The following SBF2 variants were observed in gnomAD, a reference collection of about 807,000 sequenced individuals.
SBF2 encodes SET binding factor 2, also known as myotubularin-related protein 13.
Under a neutral mutation model 225.2 loss-of-function variants are expected in SBF2, and 112 were observed. That is an observed-to-expected ratio of 0.50 (90% CI 0.43 to 0.58). The LOEUF is 0.58. Among genes scored for constraint, SBF2 ranks in the 20% least tolerant of loss-of-function variants. SBF2 has a pLI of 0.00. For missense variants in SBF2, 1,996 were observed against 2,206.2 expected, an observed-to-expected ratio of 0.90 and a Z score of 1.91; for synonymous variants, 763 against 773.3, an observed-to-expected ratio of 0.99 and a Z score of 0.22.
intron 1 of SBF2, chr11:10,272,327 C>T (rs1962552001): frequency 2.6e-6 from 2 of 770,066 alleles, no homozygotes; most frequent in East Asian, 2.9e-5. Context: ...AAGTCGTTCA[C>T]TGTAACTAAG....
chr11:10,144,203 A>C (rs1346499238), intron 2 of SBF2, among the ~76,000 whole-genome samples: 1 of 152,168 alleles, frequency 6.6e-6, no homozygotes, highest in South Asian at 2.1e-4. Context: ...AAATTACATA[A>C]TAGGTCAGGT....
chr11:9,967,697 C>T (rs1412863007), intron 14 of SBF2, among the ~76,000 whole-genome samples: 1 of 152,112 alleles, frequency 6.6e-6, no homozygotes, highest in Non-Finnish European at 1.5e-5. Context: ...GGGCGGATCA[C>T]CTGAGGTCGG....
chr11:10,283,420 T>C (rs1371716926), intron 1 of SBF2, among the ~76,000 whole-genome samples: 1 of 152,178 alleles, frequency 6.6e-6, no homozygotes, highest in African/African-American at 2.4e-5. Flanking sequence ...TCAGGTGTTA[T>C]ACATAAATTT....
chr11:10,177,595 G>A (rs1312184444), intron 2 of SBF2, among the ~76,000 whole-genome samples: 1,939 of 147,580 alleles, frequency 0.013, 32 homozygotes, highest in African/African-American at 0.04. Flanking sequence ...ATTCACAATT[G>A]CTTCAAAGAG....
intron 6 of SBF2, among the ~76,000 whole-genome samples, chr11:10,012,486 C>G (rs1948495480): frequency 6.6e-6 from 1 of 152,140 alleles, no homozygotes. Flanking sequence ...CTATTTGGCT[C>G]TTTTTCAGTT....
At chr11:10,104,378 T>C (rs1388904819) in intron 2 of SBF2, among the ~76,000 whole-genome samples, 1 of 152,138 alleles carries the variant, frequency 6.6e-6, no homozygotes, top group Admixed American at 6.5e-5. Flanking sequence ...GAAACAATGG[T>C]GGAAGGTATA....
chr11:9,858,515 A>G, intron 17 of SBF2, 119 bp from the exon 18 acceptor site: 1 of 1,037,758 alleles, frequency 9.6e-7, no homozygotes, highest in Admixed American at 2.1e-5. Context: ...AGAATATCGT[A>G]TGGTAGTACA....
At chr11:9,809,857 T>C (rs1590134510) in intron 30 of SBF2, among the ~76,000 whole-genome samples, 1 of 152,298 alleles carries the variant, frequency 6.6e-6, no homozygotes, top group East Asian at 1.9e-4. Context: ...ATTTCAGGTA[T>C]TCTTAATTTT....
chr11:9,919,975 G>A (rs1192203082), intron 16 of SBF2, among the ~76,000 whole-genome samples: 3 of 151,840 alleles, frequency 2.0e-5, no homozygotes, highest in Non-Finnish European at 4.4e-5. Context: ...CAGGTGATCC[G>A]CCTGCCTGGG....
intron 2 of SBF2, among the ~76,000 whole-genome samples, chr11:10,046,655 T>G (rs567681371): frequency 6.6e-6 from 1 of 151,680 alleles, no homozygotes; most frequent in Admixed American, 6.6e-5. Flanking sequence ...AAAACTCCTA[T>G]GGCTAGTACC....
intron 2 of SBF2, among the ~76,000 whole-genome samples, chr11:10,092,527 T>C (rs547565865): frequency 1.3e-5 from 2 of 152,312 alleles, no homozygotes; most frequent in South Asian, 4.1e-4. Flanking sequence ...AGTATATCAT[T>C]AATCATTTGT....
Position 10,265,958 on chromosome 11 carries a change from G to A in SBF2, c.55+28057C>T, listed in dbSNP as rs184275051. 1.8e-3 allele frequency among the ~76,000 whole-genome samples: 270 copies of A among 152,264 alleles called. 1 individual carries two copies. Among genetic ancestry groups the A allele is most frequent in the African/African-American group, 6.4e-3 (265 of 41,560 alleles). On this transcript the variant is annotated intron_variant, in intron 1 of 39. Coordinates refer to ENST00000256190, the MANE Select transcript of SBF2 (RefSeq NM_030962.4). ...TGGTTTTGAACTTCTAGCCTCAAGTGATCCTCTCACCTTGGTCTCCCAAAG... is the reference window on the plus strand; with the variant it reads ...TGGTTTTGAACTTCTAGCCTCAAGTAATCCTCTCACCTTGGTCTCCCAAAG...
chr11:9,886,714 A>G (rs1428254808), intron 17 of SBF2, among the ~76,000 whole-genome samples: 1 of 33,804 alleles, frequency 3.0e-5, no homozygotes, highest in African/African-American at 1.4e-4. Context: ...TTTTTTGCCT[A>G]TAATATTTAT....
intron 1 of SBF2, 152 bp from the exon 2 acceptor site, chr11:10,194,139 T>G: frequency 1.5e-6 from 1 of 682,686 alleles, no homozygotes; most frequent in South Asian, 1.7e-5. Context: ...TGAGTATGCA[T>G]CATCTAAACA....
chr11:9,928,550 A>G (rs932704240), intron 16 of SBF2, among the ~76,000 whole-genome samples: 16 of 152,234 alleles, frequency 1.1e-4, no homozygotes, highest in Non-Finnish European at 2.2e-4. Context: ...CATTTCTTAA[A>G]AAGTTAAAAG....
rs79609358 is a variant in SBF2, at chr11:10,138,002, A to AAAATAAATAAAT, written c.141+55888_141+55899dup. On this transcript the variant is annotated intron_variant, in intron 2 of 39. Transcript: ENST00000256190. ...GAGACAGAGTAAGACTCCATCTCCA[A>AAAATAAATAAAT]AAATAAATAAATAAATAAATAAATA... is the stretch of plus-strand genomic sequence containing the variant. Among the ~76,000 whole-genome samples the AAAATAAATAAAT allele has an allele frequency of 2.0e-3, 301 of 150,664 alleles. 4 individuals carry two copies. The highest frequency in any genetic ancestry group is 7.1e-4 in the African/African-American group (29 of 41,120).
intron 1 of SBF2, among the ~76,000 whole-genome samples, chr11:10,220,566 C>G (rs1355658393): frequency 2.0e-5 from 3 of 152,168 alleles, no homozygotes; most frequent in Non-Finnish European, 2.9e-5. Flanking sequence ...CTTGGTATCC[C>G]TACCTCCTGT....
intron 16 of SBF2, chr11:9,961,239 C>T (rs963009296): frequency 2.0e-5 from 3 of 152,132 alleles, no homozygotes; most frequent in Non-Finnish European, 4.4e-5. Context: ...TTCTTGCTTT[C>T]CAATGTACCA....
intron 1 of SBF2, among the ~76,000 whole-genome samples, chr11:10,215,589 C>T (rs1958099371): frequency 6.6e-6 from 1 of 152,146 alleles, no homozygotes; most frequent in South Asian, 2.1e-4. Flanking sequence ...TACCACTGCA[C>T]TCCAGCCTGG....
Sources: allele counts gnomAD v4.1 joint callset (sites outside exome capture counted in the v4.1 genomes callset), GRCh38; gene constraint gnomAD v4.1.1; transcripts MANE v1.5; gene names NCBI Gene and HGNC (gene_info 2026-07-23, HGNC 2026-07-21).